The following TAFA5 variants were observed in gnomAD, a reference collection of about 807,000 sequenced individuals.
TAFA5 encodes the protein chemokine-like protein TAFA-5.
A neutral mutation model predicts 15.3 loss-of-function variants in TAFA5; 6 were observed. The observed-to-expected ratio is 0.39, with a 90% confidence interval of 0.21 to 0.77. The LOEUF (loss-of-function observed/expected upper bound fraction) is 0.77. Among genes scored for constraint, TAFA5 ranks in the 30% least tolerant of loss-of-function variants. The probability of loss-of-function intolerance (pLI) is 0.41; values close to 1 mark genes in which losing one functional copy is unlikely to be tolerated. For synonymous variants in TAFA5, 103 were observed against 80.7 expected (o/e 1.28, Z -1.48); for missense variants, 161 against 193.1 (o/e 0.83, Z 0.98).
chr22:48,658,872 T>G (rs1328582729), intron 2 of TAFA5, among the ~76,000 whole-genome samples: 1 of 152,170 alleles, frequency 6.6e-6, no homozygotes, highest in Non-Finnish European at 1.5e-5. Context: ...GACAGTGCCC[T>G]GTGCTGAGGG....
At chr22:48,585,246 C>T (rs566523451) in intron 1 of TAFA5, among the ~76,000 whole-genome samples, 2 of 151,510 alleles carry the variant, frequency 1.3e-5, no homozygotes, top group Admixed American at 6.6e-5. Flanking sequence ...ACATACACAA[C>T]ATACATACAC....
chr22:48,739,877 A>T (rs1010359522), intron 3 of TAFA5, among the ~76,000 whole-genome samples: 1 of 152,106 alleles, frequency 6.6e-6, no homozygotes, highest in Non-Finnish European at 1.5e-5. Context: ...GGCGCGAGGC[A>T]CGATTACTCC....
At chr22:48,688,287 AG>A (rs1431687815) in intron 2 of TAFA5, among the ~76,000 whole-genome samples, 2 of 152,248 alleles carry the variant, frequency 1.3e-5, no homozygotes, top group Non-Finnish European at 2.9e-5. Flanking sequence ...AACTATTTAA[AG>A]AAAAAATAAT....
chr22:48,491,083 G>T (rs1176279058), intron 1 of TAFA5, among the ~76,000 whole-genome samples: 2 of 152,218 alleles, frequency 1.3e-5, no homozygotes, highest in Non-Finnish European at 2.9e-5. Context: ...CCAAGCCTGG[G>T]GGTCTCAACC....
In TAFA5 at chr22:48,490,126, C is replaced by A. The variant is rs1332519794; in HGVS notation, c.112+422C>A. Among the ~76,000 whole-genome samples the A allele has an allele frequency of 1.3e-5, 2 of 152,124 alleles. No homozygotes were observed. Among genetic ancestry groups the A allele is most frequent in the Non-Finnish European group, 2.9e-5 (2 of 68,002 alleles). On this transcript the variant is annotated intron_variant, in intron 1 of 3. Transcript: ENST00000402357. This position sits in a 1 kb window ranked among gnomAD's most constrained non-coding sequence, Gnocchi z 5.8. ...GCCCTCCCCGTGCCTCAGCCCGGGA[C>A]AAGGGGGGAGGCGGCGGCCGAGCCC...
At chr22:48,491,231 G>T (rs1928142822) in intron 1 of TAFA5, among the ~76,000 whole-genome samples, 1 of 152,168 alleles carries the variant, frequency 6.6e-6, no homozygotes, top group Admixed American at 6.5e-5. Flanking sequence ...CGGCCGTCAC[G>T]GGGCCTGCAG....
intron 1 of TAFA5, among the ~76,000 whole-genome samples, chr22:48,517,622 G>A (rs1317761833): frequency 1.3e-5 from 2 of 152,166 alleles, no homozygotes; most frequent in African/African-American, 2.4e-5. Context: ...CTGATAGCCC[G>A]CCGGGCCCTG....
chr22:48,647,315 G>A (rs924096188), intron 2 of TAFA5, among the ~76,000 whole-genome samples: 9 of 152,172 alleles, frequency 5.9e-5, no homozygotes, highest in African/African-American at 1.2e-4. Context: ...AAGCTGGGCC[G>A]TGGCTGAGGG....
chr22:48,568,948 G>A (rs1003887308), intron 1 of TAFA5, among the ~76,000 whole-genome samples: 7 of 152,176 alleles, frequency 4.6e-5, no homozygotes, highest in African/African-American at 1.2e-4. Flanking sequence ...GAGGGCAGAC[G>A]AGGGCAGAGC....
chr22:48,639,938 A>AC (rs112983498), intron 1 of TAFA5, among the ~76,000 whole-genome samples: 18 of 150,646 alleles, frequency 1.2e-4, no homozygotes, highest in Non-Finnish European at 2.4e-4. Context: ...TCGTGACCGC[A>AC]CCCCCCCAAC....
At chr22:48,605,189 G>A (rs113929585) in intron 1 of TAFA5, among the ~76,000 whole-genome samples, 1,293 of 2,330 alleles carry the variant, frequency 0.55, 376 homozygotes, top group East Asian at 0.78. Flanking sequence ...GATGGTGGTG[G>A]TGGTAATGGT....
At chr22:48,564,372 G>C (rs1022544334) in intron 1 of TAFA5, among the ~76,000 whole-genome samples, 1 of 152,246 alleles carries the variant, frequency 6.6e-6, no homozygotes, top group Non-Finnish European at 1.5e-5. Flanking sequence ...GGGACGAAGG[G>C]ACACAAAATG....
intron 2 of TAFA5, among the ~76,000 whole-genome samples, chr22:48,680,546 A>AG (rs1928151644): frequency 6.6e-6 from 1 of 152,086 alleles, no homozygotes; most frequent in Non-Finnish European, 1.5e-5. Context: ...ACAAACACAG[A>AG]GGATGGGGAG....
At chr22:48,511,824 C>T (rs564559271) in intron 1 of TAFA5, among the ~76,000 whole-genome samples, 2 of 152,368 alleles carry the variant, frequency 1.3e-5, no homozygotes, top group South Asian at 4.1e-4. Flanking sequence ...GGCAACTGCC[C>T]GCTTGTGCCT....
In TAFA5 at chr22:48,749,871, C is replaced by G; in HGVS notation, c.*24C>G. 6.4e-7 allele frequency: 1 copy of G among 1,554,322 alleles called. No individual in the cohort carries two copies. Among genetic ancestry groups the G allele is most frequent in the East Asian group, 2.4e-5 (1 of 41,256 alleles). On this transcript the variant is annotated 3_prime_UTR_variant, in exon 4 of 4. Coordinates refer to ENST00000402357, the MANE Select transcript of TAFA5 (RefSeq NM_001082967.3). ...GACAAACACAGCCCCTGAGGGGCCC[C>G]GGGAGTGGCCTTGGCTCCCTGGAGA...
At chr22:48,666,944 G>A (rs1324178903) in intron 2 of TAFA5, among the ~76,000 whole-genome samples, 1 of 152,140 alleles carries the variant, frequency 6.6e-6, no homozygotes, top group Non-Finnish European at 1.5e-5. Flanking sequence ...GAGGGAGTGG[G>A]CGTCCAGAGA....
rs117607303 is a variant in TAFA5 at position 48,675,736 on chromosome 22, C to T, written c.262+28990C>T. ...TTCCTTCACAGCTGCCGGGGAGCCC[C>T]GCCTGCTGGCTGAGGCCTGAGGCCT... On this transcript the variant is annotated intron_variant, in intron 2 of 3. Coordinates refer to ENST00000402357, the MANE Select transcript of TAFA5 (RefSeq NM_001082967.3). Among the ~76,000 whole-genome samples, 1,323 of 152,368 alleles carry T rather than the reference C, an allele frequency of 8.7e-3. 100 individuals carry two copies. In the East Asian group the frequency reaches 0.18, roughly 21 times the overall value.
chr22:48,694,269 C>G (rs1235906196), intron 2 of TAFA5, among the ~76,000 whole-genome samples: 1 of 152,230 alleles, frequency 6.6e-6, no homozygotes, highest in East Asian at 1.9e-4. Context: ...CAGTCGGCAG[C>G]TGTCCAAGGG....
chr22:48,550,758 C>A lies in TAFA5; in HGVS notation c.112+61054C>A, dbSNP rs1922827309. On this transcript the variant is annotated intron_variant, in intron 1 of 3. Transcript: ENST00000402357. The surrounding 1 kb of genome is among the most constrained non-coding windows in gnomAD (Gnocchi z 4.1). ...CTGATCCAGGGCCCCCTACTCTGAT[C>A]CACGGGTGTCTGGGCTCCAGAAAGC... Among the ~76,000 whole-genome samples the A allele has an allele frequency of 6.6e-6, 1 of 152,084 alleles. No homozygotes were observed. The highest frequency in any genetic ancestry group is 1.5e-5 in the Non-Finnish European group (1 of 68,008).
Sources: gnomAD v4.1 joint callset for allele counts (sites outside exome capture counted in the v4.1 genomes callset) on GRCh38, gnomAD v4.1.1 for gene constraint, Gnocchi (gnomAD v3.1) non-coding constraint, MANE v1.5 for transcripts, NCBI Gene and HGNC (gene_info 2026-07-23, HGNC 2026-07-21) for gene names.